Variants in WDR3 observed in about 807,000 individuals in gnomAD.
WDR3 encodes WD repeat domain 3.
In WDR3, 81 loss-of-function variants were observed where a neutral mutation model predicts 123.7. That is an observed-to-expected ratio of 0.65 (90% CI 0.55 to 0.79). The LOEUF (loss-of-function observed/expected upper bound fraction) is 0.79, where lower values mean the gene tolerates loss of function less well. Ranked by LOEUF, WDR3 falls within the 30% of genes least tolerant of loss-of-function variation. The probability of loss-of-function intolerance (pLI) is 0.00; values close to 1 mark genes in which losing one functional copy is unlikely to be tolerated. For missense variants in WDR3, 1,027 were observed against 1,123.2 expected (o/e 0.91, Z 1.22); for synonymous variants, 390 against 388.8 (o/e 1.00, Z -0.04).
At chr1:117,940,560 T>A (rs1651107646) in intron 6 of WDR3, among the ~76,000 whole-genome samples, 1 of 152,064 alleles carries the variant, frequency 6.6e-6, no homozygotes, top group Non-Finnish European at 1.5e-5. Context: ...AGAACCTGTC[T>A]CTACAAAAAA....
At chr1:117,946,414 C>T (rs981187873) in intron 12 of WDR3, among the ~76,000 whole-genome samples, 1 of 152,050 alleles carries the variant, frequency 6.6e-6, no homozygotes, top group East Asian at 1.9e-4. Flanking sequence ...TTTTGGTGAT[C>T]ATCCTTTCAT....
chr1:117,946,146 A>G lies in WDR3; in HGVS notation c.1389A>G (p.Val463=), dbSNP rs1651370580. Residue 463 remains valine (V), a synonymous_variant, in exon 12 of 27, where the codon GTA becomes GTG. Transcript: ENST00000349139. The stretch of plus-strand genomic sequence containing the variant: ...AATATGCACTTTGCTCATTCTTTGT[A>G]CCTGGTGATAGACAGGTAGTCATAG... The part of the protein sequence containing the change: ...TCEYALCSFF[V]PGDRQVVIGT... 8.1e-6 allele frequency: 13 copies of G among 1,612,988 alleles called. No individual in the cohort carries two copies. Among genetic ancestry groups the G allele is most frequent in the Non-Finnish European group, 1.1e-5 (13 of 1,179,326 alleles).
rs1652365027 is a variant in WDR3 at position 117,957,346 on chromosome 1, G to C, written c.2582+150G>C. 3.9e-6 allele frequency: 4 copies of C among 1,019,738 alleles called. No individual in the cohort carries two copies. In the Admixed American group the frequency reaches 8.4e-5, roughly 21 times the overall value. The allele number at this position is 1,019,738 out of a possible 1,614,324, so 63.2% of individuals were successfully genotyped here. A position where few individuals can be genotyped will look rare whatever the true frequency, so the allele number is the denominator to read the frequency against. ...AATCCCAGCACTTTGGGAGGCTGAGGTGGGTGGATTGCTTGAGCCCAGAAG... is the reference window on the plus strand; with the variant it reads ...AATCCCAGCACTTTGGGAGGCTGAGCTGGGTGGATTGCTTGAGCCCAGAAG... On this transcript the variant is annotated intron_variant, in intron 25 of 26. Transcript: ENST00000349139.
rs1651224177 is a variant in WDR3 at position 117,942,893 on chromosome 1, T to G, written c.1097+349T>G. 2.7e-5 allele frequency among the ~76,000 whole-genome samples: 4 copies of G among 149,712 alleles called. No homozygotes were observed. The South Asian group carries it at 6.3e-4, about 24-fold the overall frequency. On this transcript the variant is annotated intron_variant, in intron 10 of 26. Transcript: ENST00000349139. Reference sequence around the variant, plus strand: ...CAGAACCAGGATCTGAGCCTAGTTTTTTTTTTTTTTTTTTTTTTTTACTTA... The same window carrying G: ...CAGAACCAGGATCTGAGCCTAGTTTGTTTTTTTTTTTTTTTTTTTTACTTA...
Position 117,957,123 on chromosome 1 carries a change from A to G in WDR3, c.2509A>G (p.Lys837Glu), listed in dbSNP as rs1652324807. The change falls in exon 25 of 27, where the codon AAA (lysine) becomes GAA (glutamate). Residue 837 changes from lysine (K) to glutamate (E), a missense_variant. Physicochemically the swap from Lys to Glu is moderately conservative, Grantham distance 56 (BLOSUM62 1). Transcript: ENST00000349139. ...TTTCTCTTATGTCCCAGACATTCTT[A>G]AACTCTTTAACGAATTCATTCAGCT... is the stretch of plus-strand genomic sequence containing the variant. ...LPFSYVPDIL[K>E]LFNEFIQLGS... is the part of the protein sequence containing the mutation. 1 of 1,612,068 alleles carries G rather than the reference A, an allele frequency of 6.2e-7. No homozygotes were observed. The highest frequency in any genetic ancestry group is 1.7e-5 in the Admixed American group (1 of 59,658).
In WDR3 at chr1:117,952,084, T is replaced by G; in HGVS notation, c.1904+8T>G. The G allele has an allele frequency of 6.2e-7, 1 of 1,610,486 alleles. No individual in the cohort carries two copies. ...CTTTGCACATGATGACAGGTATGTA[T>G]AGTCTTTTCAAATGTCTCCCTTTGA... On this transcript the variant is annotated splice_region_variant and intron_variant, in intron 17 of 26. Coordinates refer to ENST00000349139, the MANE Select transcript of WDR3 (RefSeq NM_006784.3).
chr1:117,940,845 C>G lies in WDR3; in HGVS notation c.694C>G (p.Pro232Ala). The G allele has an allele frequency of 6.2e-7, 1 of 1,613,024 alleles. No homozygotes were observed. The highest frequency in any genetic ancestry group is 8.5e-7 in the Non-Finnish European group (1 of 1,179,762). The change falls in exon 7 of 27, where the codon CCA becomes GCA. Residue 232 changes from proline to alanine, a missense_variant. Pro to Ala is a conservative substitution (Grantham distance 27). Transcript: ENST00000349139. Reference sequence around the variant, plus strand: ...AAAACAGATTGAAGACCCGGAAGAACCAGACCCCAAGAAAATCAAAGGATC... The same window carrying G: ...AAAACAGATTGAAGACCCGGAAGAAGCAGACCCCAAGAAAATCAAAGGATC... ...YLQEIEDPEE[P>A]DPKKIKGSSP...
intron 11 of WDR3, among the ~76,000 whole-genome samples, chr1:117,945,029 A>G (rs1435551575): frequency 1.3e-5 from 2 of 152,088 alleles, no homozygotes; most frequent in African/African-American, 4.8e-5. Context: ...CATCCAATCT[A>G]TTAGCAAATC....
At chr1:117,939,881 C>G (rs76463486) in intron 6 of WDR3, among the ~76,000 whole-genome samples, 2,873 of 152,194 alleles carry the variant, frequency 0.019, 80 homozygotes, top group South Asian at 0.12. Flanking sequence ...GAACCTTTCC[C>G]CTCAAATATA....
In WDR3 at chr1:117,931,044, C is replaced by T. The variant is rs1375691401; in HGVS notation, c.-33+1262C>T. Among the ~76,000 whole-genome samples, 4 of 152,282 alleles carry T rather than the reference C, an allele frequency of 2.6e-5. No homozygotes were observed. In the South Asian group the frequency reaches 8.3e-4, roughly 32 times the overall value. ...CTCACTGCAACCTCGAACTTCTGGA[C>T]TCAAGTGATCTTTCTGCCTCAGCCT... On this transcript the variant is annotated intron_variant, in intron 1 of 26. Transcript: ENST00000349139.
rs1651014398 is a variant in WDR3, at chr1:117,938,350, G to A, written c.501-130G>A. 7.8e-6 allele frequency: 5 copies of A among 642,574 alleles called. 1 individual carries two copies. Among genetic ancestry groups the A allele is most frequent in the Admixed American group, 6.4e-5 (2 of 31,028 alleles). 39.8% of individuals were successfully genotyped at this position (642,574 alleles called of 1,614,324 possible). A position where few individuals can be genotyped will look rare whatever the true frequency, so the allele number is the denominator to read the frequency against. On this transcript the variant is annotated intron_variant, in intron 4 of 26. Coordinates refer to ENST00000349139, the MANE Select transcript of WDR3 (RefSeq NM_006784.3). ...TTTGCTTTTCAAAAGTAAGATCAGAGAGAATCGGAGCTTTAGACATTATTG... is the reference window on the plus strand; with the variant it reads ...TTTGCTTTTCAAAAGTAAGATCAGAAAGAATCGGAGCTTTAGACATTATTG...
intron 10 of WDR3, among the ~76,000 whole-genome samples, chr1:117,942,747 T>A (rs1651216794): frequency 6.6e-6 from 1 of 152,144 alleles, no homozygotes; most frequent in Admixed American, 6.5e-5. Context: ...AGTACCCTTT[T>A]TAGCTAGTCA....
intron 24 of WDR3, among the ~76,000 whole-genome samples, chr1:117,955,635 C>A (rs1471395660): frequency 6.6e-6 from 1 of 151,792 alleles, no homozygotes; most frequent in Non-Finnish European, 1.5e-5. Context: ...TTAGAAGCAC[C>A]AATTGTTAAT....
Position 117,933,639 on chromosome 1 carries a change from G to T in WDR3, c.171+149G>T, listed in dbSNP as rs974292077. 6 of 987,916 alleles carry T rather than the reference G, an allele frequency of 6.1e-6. No individual in the cohort carries two copies. The Admixed American group carries it at 6.2e-5, about 10-fold the overall frequency. The allele number at this position is 987,916 out of a possible 1,614,324, so 61.2% of individuals were successfully genotyped here. On this transcript the variant is annotated intron_variant, in intron 2 of 26. Coordinates refer to ENST00000349139, the MANE Select transcript of WDR3 (RefSeq NM_006784.3). ...AATCTTTTTCCTTTAGGTCTAGCTA[G>T]CCAAGCATCAAGTTCCTTTGTGTTC...
intron 13 of WDR3, among the ~76,000 whole-genome samples, chr1:117,949,059 G>A (rs1244688989): frequency 2.0e-5 from 3 of 152,022 alleles, no homozygotes; most frequent in South Asian, 2.1e-4. Context: ...ATTTTCATCC[G>A]TTGAAAGTAG....
At chr1:117,955,763 C>CA (rs201854117) in intron 24 of WDR3, among the ~76,000 whole-genome samples, 137 of 141,554 alleles carry the variant, frequency 9.7e-4, no homozygotes, top group Middle Eastern at 3.7e-3. Context: ...TCATATTCTT[C>CA]AAAAAAAAAA....
intron 19 of WDR3, 101 bp downstream of exon 19, chr1:117,952,763 A>G: frequency 6.7e-7 from 1 of 1,492,982 alleles, no homozygotes; most frequent in Non-Finnish European, 9.1e-7. Context: ...ATGCATTGCC[A>G]AGTCCAAGAA....
At position 117,963,761 on chromosome 1, in the gene WDR3, T is replaced by A. The variant is rs1653432863; in HGVS notation, c.*4314T>A. On this transcript the variant is annotated 3_prime_UTR_variant, in exon 27 of 27. Transcript: ENST00000349139. ...TGGGGTCTAATACCTCAAATTTGAA[T>A]GCTTGACAATCAAATTCCCATTTAT... 3.8e-6 allele frequency: 6 copies of A among 1,579,566 alleles called. No individual in the cohort carries two copies. Among genetic ancestry groups the A allele is most frequent in the Admixed American group, 1.8e-5 (1 of 56,790 alleles).
intron 9 of WDR3, among the ~76,000 whole-genome samples, 175 bp from the exon 10 acceptor site, chr1:117,942,260 TAC>T (rs1350616588): frequency 2.0e-5 from 3 of 152,232 alleles, no homozygotes; most frequent in Non-Finnish European, 4.4e-5. Flanking sequence ...CATTGTAGTG[TAC>T]AAAGCATTTC....
Sources: allele counts gnomAD v4.1 joint callset (sites outside exome capture counted in the v4.1 genomes callset), GRCh38; gene constraint gnomAD v4.1.1; transcripts MANE v1.5; gene names NCBI Gene and HGNC (gene_info 2026-07-23, HGNC 2026-07-21).